The following ARHGAP6 variants were observed in gnomAD, a reference collection of about 807,000 sequenced individuals.
ARHGAP6 encodes the protein Rho GTPase activating protein 6, also known as rho GTPase-activating protein 6.
A neutral mutation model predicts 55.7 loss-of-function variants in ARHGAP6; 16 were observed. The observed-to-expected ratio is 0.29, with a 90% CI of 0.19 to 0.44. The LOEUF (loss-of-function observed/expected upper bound fraction) is 0.44, where lower values mean the gene tolerates loss of function less well. ARHGAP6 is among the 20% of genes least tolerant of loss of function. The pLI is 1.00. For synonymous variants in ARHGAP6, 382 were observed against 360.9 expected (o/e 1.06, Z -0.66); for missense variants, 698 against 808.9 (o/e 0.86, Z 1.66).
intron 8 of ARHGAP6, among the ~76,000 whole-genome samples, chrX:11,176,184 C>G (rs1490356768): frequency 3.3e-5 from 3 of 90,371 alleles, no homozygotes; most frequent in Non-Finnish European, 6.5e-5. Context: ...GTTTTCACTT[C>G]TGAAACATGG....
chrX:11,139,479 G>A lies in ARHGAP6; in HGVS notation c.2309C>T (p.Ser770Phe), dbSNP rs747125900. 7.7e-6 allele frequency: 9 copies of A among 1,167,886 alleles called. No individual in the cohort carries two copies. The highest frequency in any genetic ancestry group is 1.0e-5 in the Non-Finnish European group (9 of 877,182). The change falls in exon 13 of 13, where the codon TCC becomes TTC. Residue 770 changes from serine to phenylalanine, a missense_variant. Ser to Phe is a radical substitution (Grantham distance 155). Transcript: ENST00000337414. ...TGGGGACAGGTTCCCTTGAGAAAGG[G>A]AGCAGGGCCCCGCTCTTAGGGAGCT... ...ESSSLRAGPC[S>F]LSQGNLSPNW...
chrX:11,174,661 T>G (rs1271993547), intron 8 of ARHGAP6, among the ~76,000 whole-genome samples: 1 of 89,510 alleles, frequency 1.1e-5, no homozygotes, highest in African/African-American at 4.4e-5. Context: ...CTTTCTTTCT[T>G]TCTTTCTTTC....
intron 1 of ARHGAP6, among the ~76,000 whole-genome samples, chrX:11,492,003 T>A (rs773197954): frequency 1.1e-4 from 12 of 109,316 alleles, no homozygotes; most frequent in East Asian, 6.0e-4. Context: ...TTGGCTGCAT[T>A]AATGTCTTCT....
chrX:11,457,142 C>G (rs764786900), intron 1 of ARHGAP6, among the ~76,000 whole-genome samples: 1 of 112,146 alleles, frequency 8.9e-6, no homozygotes, highest in African/African-American at 3.2e-5. Flanking sequence ...TTTTACTCTA[C>G]TTTCAAGCGA....
In ARHGAP6 at chrX:11,664,679, C is replaced by T; in HGVS notation, c.150G>A (p.Glu50=). 1 of 1,169,277 alleles carries T rather than the reference C, an allele frequency of 8.6e-7. No individual in the cohort carries two copies. Among genetic ancestry groups the T allele is most frequent in the Non-Finnish European group, 1.1e-6 (1 of 874,851 alleles). The change falls in exon 1 of 13, where the codon GAG becomes GAA. Residue 50 remains glutamate (E), a synonymous_variant. Transcript: ENST00000337414. Reference sequence around the variant, plus strand: ...CCCGCGCACTGCCCTCCGCGCCCGCCTCGTCGCTCCCGCAGCCGCCGATCA... The same window carrying T: ...CCCGCGCACTGCCCTCCGCGCCCGCTTCGTCGCTCCCGCAGCCGCCGATCA... The part of the protein sequence containing the change: ...PALIGGCGSD[E]AGAEGSARGA...
At chrX:11,306,649 T>C (rs2048241387) in intron 1 of ARHGAP6, among the ~76,000 whole-genome samples, 1 of 112,558 alleles carries the variant, frequency 8.9e-6, no homozygotes, top group South Asian at 3.7e-4. Context: ...CACTGCCCCA[T>C]TTTTTATGAG....
intron 1 of ARHGAP6, among the ~76,000 whole-genome samples, chrX:11,553,785 T>G (rs778202920): frequency 2.7e-5 from 3 of 111,784 alleles, no homozygotes; most frequent in African/African-American, 9.8e-5. Flanking sequence ...TACACAACTA[T>G]TTCTTGAAAA....
chrX:11,428,701 AGAGGAGAGGG>A (rs1254170963), intron 1 of ARHGAP6, among the ~76,000 whole-genome samples: 4 of 112,011 alleles, frequency 3.6e-5, no homozygotes, highest in Non-Finnish European at 7.5e-5. Flanking sequence ...GCTCTGTGTA[AGAGGAGAGGG>A]GAGGAGAGGG....
At chrX:11,439,485 A>G (rs759957532) in intron 1 of ARHGAP6, among the ~76,000 whole-genome samples, 103 of 112,257 alleles carry the variant, frequency 9.2e-4, no homozygotes, top group Non-Finnish European at 1.8e-3. Flanking sequence ...TTTGCAGAAA[A>G]TGTTCACCCA....
intron 1 of ARHGAP6, among the ~76,000 whole-genome samples, chrX:11,314,611 A>G (rs530496223): frequency 8.9e-6 from 1 of 112,391 alleles, no homozygotes; most frequent in East Asian, 2.8e-4. Context: ...TGTCCCTGCA[A>G]AAGATATGAT....
At chrX:11,196,554 A>T (rs1406190368) in intron 3 of ARHGAP6, among the ~76,000 whole-genome samples, 1 of 111,654 alleles carries the variant, frequency 9.0e-6, no homozygotes, top group Non-Finnish European at 1.9e-5. Context: ...GTGGTAGGTG[A>T]ATTCAAACTC....
chrX:11,493,540 C>T (rs1346003583), intron 1 of ARHGAP6, among the ~76,000 whole-genome samples: 1 of 111,658 alleles, frequency 9.0e-6, no homozygotes, highest in African/African-American at 3.3e-5. Context: ...CACTTCCTTA[C>T]CTTACTATTC....
chrX:11,164,418 A>G (rs190078866), intron 9 of ARHGAP6, among the ~76,000 whole-genome samples: 2 of 112,092 alleles, frequency 1.8e-5, no homozygotes, highest in Admixed American at 1.9e-4. Flanking sequence ...AATCATATAT[A>G]ATTATGTGGA....
At chrX:11,615,780 T>C (rs1300144495) in intron 1 of ARHGAP6, among the ~76,000 whole-genome samples, 2 of 112,307 alleles carry the variant, frequency 1.8e-5, no homozygotes, top group Non-Finnish European at 3.8e-5. Flanking sequence ...ACAGAGTATC[T>C]ACAGTTTACA....
At chrX:11,488,192 A>G (rs1354115827) in intron 1 of ARHGAP6, among the ~76,000 whole-genome samples, 1 of 111,907 alleles carries the variant, frequency 8.9e-6, no homozygotes. Flanking sequence ...TTTTGATACA[A>G]AGGAGATTAC....
intron 8 of ARHGAP6, among the ~76,000 whole-genome samples, chrX:11,174,631 C>CTTTCTTTCTTTCT (rs2046167667): frequency 7.4e-5 from 2 of 27,074 alleles, no homozygotes; most frequent in Non-Finnish European, 1.3e-4. Flanking sequence ...TCTTTTCTTT[C>CTTTCTTTCTTTCT]TTTCTTTCTT....
At chrX:11,518,660 T>A (rs1222981003) in intron 1 of ARHGAP6, among the ~76,000 whole-genome samples, 1 of 105,146 alleles carries the variant, frequency 9.5e-6, no homozygotes, top group Non-Finnish European at 1.9e-5. Context: ...ATACTTTAAG[T>A]TTTAGGGTAC....
intron 1 of ARHGAP6, among the ~76,000 whole-genome samples, chrX:11,509,847 G>A (rs746662688): frequency 1.8e-5 from 2 of 111,746 alleles, no homozygotes; most frequent in East Asian, 2.8e-4. Context: ...AACAGTCCTC[G>A]CTCAGTGACG....
At chrX:11,577,878 G>A (rs369181947) in intron 1 of ARHGAP6, among the ~76,000 whole-genome samples, 4 of 110,751 alleles carry the variant, frequency 3.6e-5, no homozygotes, top group African/African-American at 9.9e-5. Context: ...ATCATCTTTC[G>A]GCCGATACCT....
Sources: allele counts gnomAD v4.1 joint callset (sites outside exome capture counted in the v4.1 genomes callset), GRCh38; gene constraint gnomAD v4.1.1; transcripts MANE v1.5; gene names NCBI Gene and HGNC (gene_info 2026-07-23, HGNC 2026-07-21).